ZW10: variants seen among roughly 807,000 people sequenced by gnomAD.
ZW10 encodes zw10 kinetochore protein, also known as centromere/kinetochore protein zw10 homolog.
ZW10 carries 53 observed loss-of-function variants against 87.8 expected under a neutral mutation model. The observed-to-expected ratio is 0.60, with a 90% CI of 0.48 to 0.76. The LOEUF (loss-of-function observed/expected upper bound fraction) is 0.76. ZW10 is among the 30% of genes least tolerant of loss of function. The pLI is 0.00. For synonymous variants in ZW10, 312 were observed against 329.2 expected, an observed-to-expected ratio of 0.95 and a Z score of 0.57; for missense variants, 837 against 923.0, an observed-to-expected ratio of 0.91 and a Z score of 1.21.
chr11:113,735,275 C>G (rs1406110414), intron 15 of ZW10, among the ~76,000 whole-genome samples: 2 of 152,144 alleles, frequency 1.3e-5, no homozygotes, highest in Non-Finnish European at 1.5e-5. Context: ...AATGATCATT[C>G]TTAGACTGCA....
chr11:113,760,691 TA>T (rs56870346), intron 3 of ZW10, 101 bp from the exon 4 acceptor site: 124,634 of 705,038 alleles, frequency 0.18, 513 homozygotes, highest in East Asian at 0.37. Flanking sequence ...CTCCCCCCTC[TA>T]AAAAAAAAAA....
At chr11:113,749,184 A>G (rs781015063) in intron 7 of ZW10, among the ~76,000 whole-genome samples, 33 of 152,070 alleles carry the variant, frequency 2.2e-4, no homozygotes, top group Non-Finnish European at 4.4e-4. Context: ...CTTTAAACAC[A>G]AACACACACA....
intron 1 of ZW10, chr11:113,769,715 AG>A: frequency 2.6e-6 from 1 of 390,142 alleles, no homozygotes; most frequent in South Asian, 2.2e-5. Flanking sequence ...TGGACTTCAG[AG>A]GCCTATAGCC....
chr11:113,736,482 G>T, intron 15 of ZW10, 138 bp downstream of exon 15: 2 of 779,546 alleles, frequency 2.6e-6, no homozygotes, highest in Non-Finnish European at 4.3e-6. Context: ...TCATGAAAAG[G>T]CCCCAGCTAC....
At chr11:113,738,471 G>A in intron 12 of ZW10, 77 bp from the exon 13 acceptor site, 1 of 1,364,370 alleles carries the variant, frequency 7.3e-7, no homozygotes, top group Non-Finnish European at 1.0e-6. Flanking sequence ...GACAAGAGAT[G>A]CATAAACCAT....
At chr11:113,766,219 G>A (rs1468382121) in intron 2 of ZW10, among the ~76,000 whole-genome samples, 2 of 151,712 alleles carry the variant, frequency 1.3e-5, no homozygotes, top group African/African-American at 4.8e-5. Flanking sequence ...AAAAAATTTA[G>A]CTGGGCATGA....
intron 7 of ZW10, among the ~76,000 whole-genome samples, chr11:113,750,203 G>C (rs1318349925): frequency 6.6e-6 from 1 of 152,080 alleles, no homozygotes; most frequent in East Asian, 1.9e-4. Flanking sequence ...AAAAAGACTA[G>C]AAGAAAGTAT....
At chr11:113,745,000 A>G (rs570366418) in intron 9 of ZW10, among the ~76,000 whole-genome samples, 1 of 152,284 alleles carries the variant, frequency 6.6e-6, no homozygotes, top group Admixed American at 6.5e-5. Context: ...TCCACTGTCT[A>G]GATTCTTGAA....
intron 9 of ZW10, among the ~76,000 whole-genome samples, 174 bp from the exon 10 acceptor site, chr11:113,744,214 C>T (rs1953656425): frequency 6.6e-6 from 1 of 151,998 alleles, no homozygotes; most frequent in Non-Finnish European, 1.5e-5. Flanking sequence ...GGTGAAACCC[C>T]GTCTCTACTA....
chr11:113,771,485 A>T (rs1310872772), intron 1 of ZW10: 1 of 152,198 alleles, frequency 6.6e-6, no homozygotes, highest in African/African-American at 2.4e-5. Flanking sequence ...GGTTCATTTC[A>T]AAGGGTTATT....
Position 113,747,626 on chromosome 11 carries a change from G to A in ZW10, c.1177C>T (p.Arg393Cys), listed in dbSNP as rs201986261. 1.7e-4 allele frequency: 281 copies of A among 1,613,508 alleles called. 1 individual carries two copies. Among genetic ancestry groups the A allele is most frequent in the Non-Finnish European group, 1.6e-4 (190 of 1,179,732 alleles). The change falls in exon 9 of 16, where the codon CGT becomes TGT. Residue 393 changes from arginine to cysteine, a missense_variant. Coordinates refer to ENST00000200135, the MANE Select transcript of ZW10 (RefSeq NM_004724.4). ...GDTTDLLKYA[R>C]NINSHFANKK... ...TTTGCAAAATGAGAATTGATGTTAC[G>A]AGCGTATTTCAGCAAATCTGTAGTA...
chr11:113,771,544 G>A, intron 1 of ZW10: 1 of 152,346 alleles, frequency 6.6e-6, no homozygotes, highest in East Asian at 1.9e-4. Flanking sequence ...TTGTGTGTAT[G>A]TATTCCACCA....
chr11:113,744,467 G>A (rs1396712225), intron 9 of ZW10, among the ~76,000 whole-genome samples: 2 of 152,074 alleles, frequency 1.3e-5, no homozygotes, highest in Non-Finnish European at 2.9e-5. Flanking sequence ...ATACAGCTAC[G>A]GCTCTACAGA....
At chr11:113,745,557 T>C (rs1421665381) in intron 9 of ZW10, among the ~76,000 whole-genome samples, 1 of 152,224 alleles carries the variant, frequency 6.6e-6, no homozygotes, top group Non-Finnish European at 1.5e-5. Context: ...AAATTATGGC[T>C]AAGATTAGAA....
chr11:113,748,617 G>T (rs7105512), intron 7 of ZW10, among the ~76,000 whole-genome samples, 197 bp from the exon 8 acceptor site: 26,541 of 151,976 alleles, frequency 0.17, 2,399 homozygotes, highest in African/African-American at 0.2. Context: ...CAAATGAATT[G>T]TCTGTACTAT....
intron 2 of ZW10, among the ~76,000 whole-genome samples, chr11:113,764,028 A>AT (rs1224019275): frequency 6.6e-6 from 1 of 152,128 alleles, no homozygotes; most frequent in African/African-American, 2.4e-5. Context: ...TCTTGAGTTA[A>AT]TTTTTGTGTA....
chr11:113,739,916 G>GT (rs138236901), intron 11 of ZW10, among the ~76,000 whole-genome samples: 1,763 of 152,264 alleles, frequency 0.012, 23 homozygotes, highest in Non-Finnish European at 0.02. Flanking sequence ...GCATTTATAT[G>GT]TTTTAAAATC....
At chr11:113,744,297 G>A (rs1001403329) in intron 9 of ZW10, among the ~76,000 whole-genome samples, 1 of 152,148 alleles carries the variant, frequency 6.6e-6, no homozygotes, top group Admixed American at 6.5e-5. Flanking sequence ...TGAGGCAGGA[G>A]AATGGCGCAA....
At chr11:113,766,673 C>CAAAAA (rs34081366) in intron 2 of ZW10, among the ~76,000 whole-genome samples, 53 of 27,534 alleles carry the variant, frequency 1.9e-3, no homozygotes, top group African/African-American at 2.2e-3. Context: ...GACTCCATCT[C>CAAAAA]AAAAAAAAAA....
Sources: gnomAD v4.1 joint callset for allele counts (sites outside exome capture counted in the v4.1 genomes callset) on GRCh38, gnomAD v4.1.1 for gene constraint, MANE v1.5 for transcripts, NCBI Gene and HGNC (gene_info 2026-07-23, HGNC 2026-07-21) for gene names.